TANC2: variants seen among roughly 807,000 people sequenced by gnomAD.
TANC2 encodes tetratricopeptide repeat, ankyrin repeat and coiled-coil containing 2, also known as protein TANC2.
TANC2 carries 26 observed loss-of-function variants against 210.5 expected under a neutral mutation model. That is an observed-to-expected ratio of 0.12 (90% confidence interval 0.09 to 0.17). TANC2 has a LOEUF of 0.17. TANC2 is among the 10% of genes least tolerant of loss of function. The pLI, the probability that TANC2 is intolerant of heterozygous loss-of-function variation, is 1.00. For synonymous variants in TANC2, 931 were observed against 967.1 expected (o/e 0.96, Z 0.69); for missense variants, 2,129 against 2,608.9 (o/e 0.82, Z 4.01).
At chr17:62,987,238 C>G (rs2032614698) in intron 1 of TANC2, among the ~76,000 whole-genome samples, 1 of 152,104 alleles carries the variant, frequency 6.6e-6, no homozygotes, top group Non-Finnish European at 1.5e-5. Context: ...TGGGCCCCGA[C>G]TTTGTGCTCC....
chr17:63,373,118 ACTCCTGGACCCAAGCAATC>A (rs577460941), intron 14 of TANC2, among the ~76,000 whole-genome samples: 1 of 150,762 alleles, frequency 6.6e-6, no homozygotes, highest in African/African-American at 2.4e-5. Context: ...CTGGTCTCAA[ACTCCTGGACCCAAGCAATC>A]CTCCTGCCTC....
chr17:63,391,800 C>G (rs1324394954), intron 17 of TANC2: 1 of 150,490 alleles, frequency 6.6e-6, no homozygotes, highest in African/African-American at 2.4e-5. Context: ...ATTCTTGGCT[C>G]ACTGCAGCCT....
rs146918267 is a variant in TANC2, at chr17:63,226,062, CTTAATG to C, written c.770-11745_770-11740del. On this transcript the variant is annotated intron_variant, in intron 7 of 27. Coordinates refer to ENST00000689528, the Ensembl canonical transcript of TANC2. ...AGTAGACTTGCACTAGATCTTATCA[CTTAATG>C]TTAATGAAACTCACAAATTACTGTG... Among the ~76,000 whole-genome samples the C allele has an allele frequency of 4.4e-3, 673 of 152,268 alleles. 5 individuals are homozygous for C. The highest frequency in any genetic ancestry group is 0.014 in the African/African-American group (578 of 41,542).
At position 63,418,221 on chromosome 17, in the gene TANC2, A is replaced by G. The variant is rs2048924239; in HGVS notation, c.4168-86A>G. The G allele has an allele frequency of 6.4e-6, 9 of 1,396,554 alleles. No individual in the cohort carries two copies. In the East Asian group the frequency reaches 2.2e-4, roughly 35 times the overall value. 86.5% of individuals were successfully genotyped at this position (1,396,554 alleles called of 1,614,324 possible). On this transcript the variant is annotated intron_variant, in intron 26 of 27. Coordinates refer to ENST00000689528, the Ensembl canonical transcript of TANC2. This position sits in a 1 kb window ranked among gnomAD's most constrained non-coding sequence, Gnocchi z 4.6. ...GGCGTTCCATCCATGAATGTCAAAAAATGTACAAATAATTTGTTTTATTCC... is the reference window on the plus strand; with the variant it reads ...GGCGTTCCATCCATGAATGTCAAAAGATGTACAAATAATTTGTTTTATTCC...
chr17:63,406,529 C>T (rs1302485677), intron 21 of TANC2, among the ~76,000 whole-genome samples: 1 of 152,144 alleles, frequency 6.6e-6, no homozygotes, highest in African/African-American at 2.4e-5. Context: ...CAGTAGTCTC[C>T]AAACTTTGAT....
At chr17:63,261,576 C>T (rs991323297) in intron 8 of TANC2, among the ~76,000 whole-genome samples, 3 of 152,106 alleles carry the variant, frequency 2.0e-5, no homozygotes, top group African/African-American at 7.2e-5. Context: ...GTTAGTCCCG[C>T]CTCCCTTGGA....
intron 9 of TANC2, among the ~76,000 whole-genome samples, chr17:63,287,947 G>T (rs1230958966): frequency 2.0e-5 from 3 of 152,170 alleles, no homozygotes; most frequent in Non-Finnish European, 4.4e-5. Flanking sequence ...AAAGTGCTGG[G>T]ATTACAGGCG....
At chr17:63,127,577 T>C (rs944546180) in intron 4 of TANC2, among the ~76,000 whole-genome samples, 6 of 152,244 alleles carry the variant, frequency 3.9e-5, no homozygotes, top group East Asian at 3.8e-4. Context: ...GATTTCTTTA[T>C]GAAAATCTAT....
intron 14 of TANC2, among the ~76,000 whole-genome samples, chr17:63,360,028 T>A (rs191520838): frequency 6.6e-6 from 1 of 152,280 alleles, no homozygotes; most frequent in East Asian, 1.9e-4. Flanking sequence ...AAGCAGGGTG[T>A]CAGAGAACAA....
chr17:63,041,902 T>C (rs114922302), intron 2 of TANC2, among the ~76,000 whole-genome samples: 69 of 152,302 alleles, frequency 4.5e-4, no homozygotes, highest in African/African-American at 1.6e-3. Context: ...TCTAAGACTT[T>C]AGTGATGCTT....
intron 9 of TANC2, among the ~76,000 whole-genome samples, chr17:63,306,733 C>G (rs1253950149): frequency 6.6e-6 from 1 of 152,164 alleles, no homozygotes; most frequent in Non-Finnish European, 1.5e-5. Flanking sequence ...GGTAAGATCA[C>G]TTGAGGCCAG....
chr17:63,413,677 A>C, intron 25 of TANC2, 43 bp downstream of exon 25: 1 of 1,485,108 alleles, frequency 6.7e-7, no homozygotes, highest in Non-Finnish European at 9.2e-7. Flanking sequence ...ACAGCCACTG[A>C]CTGTTTTCCA....
intron 12 of TANC2, among the ~76,000 whole-genome samples, chr17:63,346,640 A>C (rs971127011): frequency 6.6e-6 from 1 of 152,222 alleles, no homozygotes; most frequent in African/African-American, 2.4e-5. Flanking sequence ...GATGAGAAAC[A>C]ACTGGAACTC....
At chr17:63,347,609 GAGTC>G (rs1567938572) in intron 12 of TANC2, among the ~76,000 whole-genome samples, 1 of 152,102 alleles carries the variant, frequency 6.6e-6, no homozygotes, top group East Asian at 1.9e-4. Context: ...TTTGAAAAAT[GAGTC>G]AGTATTTTTC....
intron 25 of TANC2, among the ~76,000 whole-genome samples, chr17:63,415,221 A>G (rs773983999): frequency 2.0e-5 from 3 of 152,228 alleles, no homozygotes; most frequent in African/African-American, 4.8e-5. Flanking sequence ...TGAAATGAGC[A>G]TGGTCAGCCT....
chr17:63,358,374 A>ATGTGTGTGTGTGTGTGT (rs1555641202), intron 14 of TANC2, among the ~76,000 whole-genome samples: 4 of 94,690 alleles, frequency 4.2e-5, no homozygotes, highest in African/African-American at 8.1e-5. Flanking sequence ...AGAGAGAGAG[A>ATGTGTGTGTGTGTGTGT]GAGTATGTGT....
chr17:63,254,041 T>C (rs1464008424), intron 8 of TANC2, among the ~76,000 whole-genome samples: 1 of 152,192 alleles, frequency 6.6e-6, no homozygotes, highest in African/African-American at 2.4e-5. Context: ...GATTATTATT[T>C]TGATAGGATT....
Position 62,966,449 on chromosome 17 carries a change from G to A in TANC2, c.-324G>A, listed in dbSNP as rs2031337074. 1.4e-5 allele frequency among the ~76,000 whole-genome samples: 2 copies of A among 148,142 alleles called. No individual in the cohort carries two copies. The highest frequency in any genetic ancestry group is 4.2e-4 in the South Asian group (2 of 4,806). The stretch of plus-strand genomic sequence containing the variant: ...CCCCGCCCCCATTCCCATCCCCCTC[G>A]CGCTCACCTCCCGGCTGTGCCGCGC... On this transcript the variant is annotated 5_prime_UTR_variant, in exon 1 of 28. Transcript: ENST00000689528. The surrounding 1 kb of genome is among the most constrained non-coding windows in gnomAD (Gnocchi z 5.1).
intron 7 of TANC2, among the ~76,000 whole-genome samples, chr17:63,202,738 T>C (rs1238095100): frequency 1.3e-5 from 2 of 152,168 alleles, no homozygotes; most frequent in Non-Finnish European, 2.9e-5. Flanking sequence ...GATTGGTCTG[T>C]ACAAAGCTCC....
Sources: allele counts gnomAD v4.1 joint callset (sites outside exome capture counted in the v4.1 genomes callset), GRCh38; gene constraint gnomAD v4.1.1; non-coding constraint Gnocchi (gnomAD v3.1); transcripts MANE v1.5; gene names NCBI Gene and HGNC (gene_info 2026-07-23, HGNC 2026-07-21).